ST7: variants seen among roughly 807,000 people sequenced by gnomAD.
The protein encoded by ST7 is suppression of tumorigenicity 7, also known as suppressor of tumorigenicity 7 protein.
ST7 carries 28 observed loss-of-function variants against 78.7 expected under a neutral mutation model. The observed-to-expected ratio is 0.36, with a 90% CI of 0.26 to 0.49. The LOEUF (loss-of-function observed/expected upper bound fraction) is 0.49, where lower values mean the gene tolerates loss of function less well. Ranked by LOEUF, ST7 falls within the 20% of genes least tolerant of loss-of-function variation. The probability of loss-of-function intolerance (pLI) is 0.99; values close to 1 mark genes in which losing one functional copy is unlikely to be tolerated. For missense variants in ST7, 418 were observed against 696.0 expected (o/e 0.60, Z 4.49); for synonymous variants, 247 against 249.6 (o/e 0.99, Z 0.10).
At chr7:117,000,503 A>G (rs186313243) in intron 1 of ST7, among the ~76,000 whole-genome samples, 1 of 152,244 alleles carries the variant, frequency 6.6e-6, no homozygotes, top group African/African-American at 2.4e-5. Context: ...ACAAGTGACC[A>G]AAAAGCAAAG....
intron 1 of ST7, among the ~76,000 whole-genome samples, chr7:117,061,942 A>G (rs975160221): frequency 6.6e-6 from 1 of 152,242 alleles, no homozygotes; most frequent in Non-Finnish European, 1.5e-5. Context: ...TCAGGCTGCC[A>G]TAACAAAATT....
intron 1 of ST7, among the ~76,000 whole-genome samples, chr7:117,091,079 C>T (rs1311498772): frequency 2.6e-5 from 4 of 152,202 alleles, no homozygotes; most frequent in African/African-American, 2.4e-5. Context: ...GTTGCCTAGG[C>T]GACATCGGGA....
intron 15 of ST7, chr7:117,223,095 C>T (rs1480371258): frequency 1.4e-6 from 1 of 710,378 alleles, no homozygotes; most frequent in African/African-American, 1.7e-5. Context: ...AAACTCTTCC[C>T]TCTCTCACTC....
At chr7:116,972,055 A>G (rs1481754655) in intron 1 of ST7, 6 of 476,594 alleles carry the variant, frequency 1.3e-5, no homozygotes, top group African/African-American at 1.0e-4. Flanking sequence ...AGCGGAAAGC[A>G]GCCTTCCAGT....
intron 9 of ST7, among the ~76,000 whole-genome samples, chr7:117,170,183 G>A (rs1199859504): frequency 2.6e-5 from 4 of 152,196 alleles, no homozygotes; most frequent in Non-Finnish European, 4.4e-5. Context: ...ATATTTTTCA[G>A]CCTTTACCTT....
chr7:116,962,153 A>G (rs1792869163), intron 1 of ST7, among the ~76,000 whole-genome samples: 1 of 152,120 alleles, frequency 6.6e-6, no homozygotes, highest in African/African-American at 2.4e-5. Context: ...TCCATGGTGT[A>G]CGTGTACCAC....
chr7:117,133,160 G>C (rs1804502193), intron 6 of ST7, among the ~76,000 whole-genome samples: 1 of 151,786 alleles, frequency 6.6e-6, no homozygotes. Flanking sequence ...TAATCCATTA[G>C]AATATCTTTC....
intron 12 of ST7, among the ~76,000 whole-genome samples, chr7:117,202,000 G>C (rs1810910512): frequency 5.4e-5 from 1 of 18,442 alleles, no homozygotes; most frequent in Non-Finnish European, 1.2e-4. Context: ...TCGCTCTGAC[G>C]CCCAGGCTGG....
chr7:117,097,207 C>T lies in ST7; in HGVS notation c.152-2555C>T, dbSNP rs140661773. Among the ~76,000 whole-genome samples the T allele has an allele frequency of 1.6e-3, 245 of 152,110 alleles. 1 individual carries two copies. The highest frequency in any genetic ancestry group is 3.0e-3 in the Non-Finnish European group (202 of 67,992). The stretch of plus-strand genomic sequence containing the variant: ...CACTTCTAATTTAGACAAATCTTTT[C>T]CTCTATTTTAGAAATGGATTTCAAT... On this transcript the variant is annotated intron_variant, in intron 1 of 15. Coordinates refer to ENST00000323984, the MANE Select transcript of ST7 (RefSeq NM_001369598.1).
At chr7:117,206,325 A>G (rs535750166) in intron 12 of ST7, among the ~76,000 whole-genome samples, 2 of 152,314 alleles carry the variant, frequency 1.3e-5, no homozygotes, top group South Asian at 4.1e-4. Context: ...AATGTAATTC[A>G]ACTTAAAAAA....
At chr7:116,984,991 T>A (rs1374615182) in intron 1 of ST7, among the ~76,000 whole-genome samples, 1 of 152,244 alleles carries the variant, frequency 6.6e-6, no homozygotes, top group Non-Finnish European at 1.5e-5. Flanking sequence ...TAACTGTTTA[T>A]CCAGAGTAAT....
In ST7 at chr7:116,972,380, A is replaced by G. The variant is rs539396754; in HGVS notation, c.151+18689A>G. The G allele has an allele frequency of 9.1e-6, 6 of 656,390 alleles. No individual in the cohort carries two copies. The Admixed American group carries it at 1.2e-4, about 13-fold the overall frequency. The allele number at this position is 656,390 out of a possible 1,614,324, so 40.7% of individuals were successfully genotyped here. A position where few individuals can be genotyped will look rare whatever the true frequency, so the allele number is the denominator to read the frequency against. On this transcript the variant is annotated intron_variant, in intron 1 of 15. Transcript: ENST00000323984. The stretch of plus-strand genomic sequence containing the variant: ...TCATATTTGTCTTCTTTTTGAGAGT[A>G]CTTTTCTTCAGCAGGACTCAGACAC...
At chr7:117,147,159 G>A (rs1584469660) in intron 9 of ST7, among the ~76,000 whole-genome samples, 2 of 151,952 alleles carry the variant, frequency 1.3e-5, no homozygotes, top group South Asian at 4.2e-4. Flanking sequence ...CTTGCATCTA[G>A]TTTGCAGTTT....
intron 1 of ST7, among the ~76,000 whole-genome samples, chr7:116,969,470 A>G (rs756586713): frequency 1.3e-5 from 2 of 152,354 alleles, no homozygotes; most frequent in East Asian, 1.9e-4. Flanking sequence ...TTGTCATGAC[A>G]TAATACCAAC....
intron 1 of ST7, among the ~76,000 whole-genome samples, chr7:116,978,425 CT>C (rs1793799831): frequency 6.6e-6 from 1 of 152,118 alleles, no homozygotes; most frequent in Non-Finnish European, 1.5e-5. Flanking sequence ...CAATTACATT[CT>C]AGAAAAGGCT....
chr7:117,162,445 T>G (rs1419910160), intron 9 of ST7, among the ~76,000 whole-genome samples: 1 of 151,438 alleles, frequency 6.6e-6, no homozygotes, highest in East Asian at 2.0e-4. Context: ...CCCCATTATC[T>G]GTTTAGTCCA....
intron 1 of ST7, chr7:117,081,195 A>T (rs1044794510): frequency 6.6e-6 from 1 of 152,168 alleles, no homozygotes; most frequent in African/African-American, 2.4e-5. Context: ...TATGACTAGA[A>T]TAAAATTTGG....
chr7:117,031,840 C>CA lies in ST7; in HGVS notation c.152-67922_152-67921insA, dbSNP rs1563027036. ...CATATATCTATATCTATATCTATAT[C>CA]TATATCTATATCTATATCTATCTAT... On this transcript the variant is annotated intron_variant, in intron 1 of 15. Coordinates refer to ENST00000323984, the MANE Select transcript of ST7 (RefSeq NM_001369598.1). 5.3e-4 allele frequency among the ~76,000 whole-genome samples: 57 copies of CA among 106,914 alleles called. No homozygotes were observed. In the East Asian group the frequency reaches 7.8e-3, roughly 15 times the overall value. 70.1% of individuals were successfully genotyped at this position (106,914 alleles called of 152,430 possible).
chr7:117,105,232 A>G (rs1244599600), intron 2 of ST7, among the ~76,000 whole-genome samples: 3 of 152,222 alleles, frequency 2.0e-5, no homozygotes, highest in Admixed American at 6.5e-5. Flanking sequence ...AAAGACATAT[A>G]TTGCATATTC....
Sources: allele counts gnomAD v4.1 joint callset (sites outside exome capture counted in the v4.1 genomes callset), GRCh38; gene constraint gnomAD v4.1.1; transcripts MANE v1.5; gene names NCBI Gene and HGNC (gene_info 2026-07-23, HGNC 2026-07-21).